BRINP3: variants seen among roughly 807,000 people sequenced by gnomAD.
The protein encoded by BRINP3 is BMP/retinoic acid-inducible neural-specific protein 3.
BRINP3 carries 19 observed loss-of-function variants against 71.0 expected under a neutral mutation model. The ratio of observed to expected loss-of-function variants is 0.27; its 90% CI spans 0.19 to 0.39. The LOEUF is 0.39. Among genes scored for constraint, BRINP3 ranks in the 10% least tolerant of loss-of-function variants. The pLI, the probability that BRINP3 is intolerant of heterozygous loss-of-function variation, is 1.00. For missense variants in BRINP3, 959 were observed against 940.8 expected, an observed-to-expected ratio of 1.02 and a Z score of -0.25; for synonymous variants, 380 against 337.7, an observed-to-expected ratio of 1.13 and a Z score of -1.37.
At chr1:190,192,904 T>C (rs1558051509) in intron 6 of BRINP3, among the ~76,000 whole-genome samples, 2 of 152,102 alleles carry the variant, frequency 1.3e-5, no homozygotes, top group Non-Finnish European at 2.9e-5. Flanking sequence ...TATTGTTTAA[T>C]TTGTTGTTTT....
chr1:190,220,734 G>C (rs1030356283), intron 6 of BRINP3, among the ~76,000 whole-genome samples: 3 of 152,000 alleles, frequency 2.0e-5, no homozygotes, highest in African/African-American at 7.2e-5. Context: ...CAAAAATGGA[G>C]AGAATTTACC....
intron 7 of BRINP3, among the ~76,000 whole-genome samples, chr1:190,106,324 A>G (rs1337449091): frequency 6.6e-6 from 1 of 151,692 alleles, no homozygotes; most frequent in East Asian, 1.9e-4. Context: ...TAATTTTATT[A>G]TCATAAAGTA....
Position 190,454,668 on chromosome 1 carries a change from A to G in BRINP3, c.223T>C (p.Tyr75His). The G allele has an allele frequency of 6.2e-7, 1 of 1,613,810 alleles. No individual in the cohort carries two copies. The highest frequency in any genetic ancestry group is 8.5e-7 in the Non-Finnish European group (1 of 1,179,778). ...TTTGCTTCATACCTGTATATCTTGT[A>G]TCTTGTGCTAAATCCCTGCCGGCTT... ...DRSRQGFSTR[Y>H]KIYREFGRWK... is the part of the protein sequence containing the mutation. Residue 75 changes from tyrosine (Y) to histidine (H), a missense_variant, in exon 2 of 8, where the codon TAC becomes CAC. Physicochemically the swap from Tyr to His is moderately conservative, Grantham distance 83. Coordinates refer to ENST00000367462, the MANE Select transcript of BRINP3 (RefSeq NM_199051.3).
intron 2 of BRINP3, among the ~76,000 whole-genome samples, chr1:190,325,339 A>T (rs967544255): frequency 2.0e-5 from 3 of 152,034 alleles, no homozygotes; most frequent in African/African-American, 7.2e-5. Context: ...TACATTTTAG[A>T]TCTGGAATAT....
At chr1:190,228,790 TC>T (rs1657654600) in intron 5 of BRINP3, among the ~76,000 whole-genome samples, 1 of 94,678 alleles carries the variant, frequency 1.1e-5, no homozygotes, top group Admixed American at 1.4e-4. Flanking sequence ...CACGGAATTT[TC>T]TTTTTTTTTC....
At chr1:190,323,726 T>C (rs2103058331) in intron 2 of BRINP3, among the ~76,000 whole-genome samples, 1 of 151,914 alleles carries the variant, frequency 6.6e-6, no homozygotes, top group South Asian at 2.1e-4. Context: ...ATGACAAGCA[T>C]GACATGATCA....
intron 3 of BRINP3, among the ~76,000 whole-genome samples, chr1:190,272,677 T>C (rs1662211682): frequency 6.6e-6 from 1 of 151,444 alleles, no homozygotes; most frequent in African/African-American, 2.4e-5. Flanking sequence ...ATGGTTTTTA[T>C]AATCAAAATA....
chr1:190,203,315 C>T (rs963146432), intron 6 of BRINP3, among the ~76,000 whole-genome samples: 6 of 151,270 alleles, frequency 4.0e-5, no homozygotes, highest in African/African-American at 1.2e-4. Flanking sequence ...AAAACATATG[C>T]CTCTAAAGGA....
chr1:190,143,430 T>C (rs1655625804), intron 7 of BRINP3, among the ~76,000 whole-genome samples: 2 of 152,286 alleles, frequency 1.3e-5, no homozygotes, highest in South Asian at 4.1e-4. Flanking sequence ...GCCTTTCAGT[T>C]AAAAATAGAA....
At chr1:190,352,859 C>CTG (rs1491588364) in intron 2 of BRINP3, among the ~76,000 whole-genome samples, 29 of 148,892 alleles carry the variant, frequency 1.9e-4, no homozygotes, top group Admixed American at 4.7e-4. Context: ...CTCTCTCTCT[C>CTG]TGTGTGTGTA....
chr1:190,130,006 C>T (rs528926897), intron 7 of BRINP3, among the ~76,000 whole-genome samples: 5 of 151,972 alleles, frequency 3.3e-5, no homozygotes, highest in African/African-American at 1.2e-4. Flanking sequence ...AATAATTTGC[C>T]AGTTGAGACA....
chr1:190,398,411 A>T (rs1382181643), intron 2 of BRINP3, among the ~76,000 whole-genome samples: 1 of 151,980 alleles, frequency 6.6e-6, no homozygotes, highest in African/African-American at 2.4e-5. Context: ...TCTGAATAAC[A>T]AAAAAGGTAA....
intron 2 of BRINP3, among the ~76,000 whole-genome samples, chr1:190,371,855 C>T (rs976291846): frequency 2.0e-5 from 3 of 152,036 alleles, no homozygotes; most frequent in Non-Finnish European, 4.4e-5. Context: ...AGAGAGTCTC[C>T]GACCCCTATC....
At chr1:190,234,542 T>A in intron 4 of BRINP3, 65 bp from the exon 5 acceptor site, 1 of 1,189,140 alleles carries the variant, frequency 8.4e-7, no homozygotes, top group Non-Finnish European at 1.2e-6. Context: ...TGGTTCACTG[T>A]AGTTGTCACA....
chr1:190,105,941 A>G (rs1652123080), intron 7 of BRINP3, among the ~76,000 whole-genome samples: 1 of 152,058 alleles, frequency 6.6e-6, no homozygotes, highest in Admixed American at 6.6e-5. Context: ...AAAAATAACT[A>G]TATTTTAAAA....
chr1:190,455,493 TATAG>T (rs1675925436), intron 1 of BRINP3, among the ~76,000 whole-genome samples: 1 of 152,104 alleles, frequency 6.6e-6, no homozygotes, highest in Non-Finnish European at 1.5e-5. Flanking sequence ...TATAGATATA[TATAG>T]ATATAGAGAC....
chr1:190,268,665 T>C (rs1416693789), intron 3 of BRINP3, among the ~76,000 whole-genome samples: 1 of 152,120 alleles, frequency 6.6e-6, no homozygotes, highest in Non-Finnish European at 1.5e-5. Flanking sequence ...CAAAATTTAA[T>C]AGACAAACTA....
intron 2 of BRINP3, among the ~76,000 whole-genome samples, chr1:190,297,757 A>G (rs1295383209): frequency 6.6e-6 from 1 of 150,828 alleles, no homozygotes; most frequent in Non-Finnish European, 1.5e-5. Flanking sequence ...TTCCTTTTAT[A>G]TGTAGCTGAA....
In BRINP3 at chr1:190,293,494, AG is replaced by A. The variant is rs879328211; in HGVS notation, c.237-11745del. 5.4e-3 allele frequency among the ~76,000 whole-genome samples: 828 copies of A among 152,242 alleles called. 5 individuals carry two copies. Among genetic ancestry groups the A allele is most frequent in the African/African-American group, 0.018 (757 of 41,550 alleles). On this transcript the variant is annotated intron_variant, in intron 2 of 7. Transcript: ENST00000367462. ...TTGATGAGAAGATTGTTTATTCTGC[AG>A]CAGTTTGAGTGAAATGTTCTGGAAA...
Sources: gnomAD v4.1 joint callset for allele counts (sites outside exome capture counted in the v4.1 genomes callset) on GRCh38, gnomAD v4.1.1 for gene constraint, MANE v1.5 for transcripts, NCBI Gene and HGNC (gene_info 2026-07-23, HGNC 2026-07-21) for gene names.